Variants in RAD50 observed in about 807,000 individuals in gnomAD.
The protein encoded by RAD50 is DNA repair protein RAD50.
Under a neutral mutation model 168.8 loss-of-function variants are expected in RAD50, and 132 were observed. The observed-to-expected ratio is 0.78, with a 90% CI of 0.68 to 0.90. The LOEUF (loss-of-function observed/expected upper bound fraction) is 0.90. RAD50 is among the 40% of genes least tolerant of loss of function. RAD50 has a pLI of 0.00. For synonymous variants in RAD50, 525 were observed against 497.4 expected (o/e 1.06, Z -0.74); for missense variants, 1,347 against 1,534.4 (o/e 0.88, Z 2.04).
intron 2 of RAD50, among the ~76,000 whole-genome samples, chr5:132,568,870 G>A (rs1168494088): frequency 6.6e-6 from 1 of 152,192 alleles, no homozygotes; most frequent in Non-Finnish European, 1.5e-5. Flanking sequence ...TGTCGAAAAT[G>A]ATTGTAAATT....
chr5:132,575,591 A>G (rs1750380447), intron 2 of RAD50, among the ~76,000 whole-genome samples, 186 bp from the exon 3 acceptor site: 1 of 152,258 alleles, frequency 6.6e-6, no homozygotes. Context: ...TAGATAGTAT[A>G]TCATTTTTGT....
chr5:132,604,162 A>G (rs1289436646), intron 15 of RAD50, 116 bp downstream of exon 15: 8 of 1,282,952 alleles, frequency 6.2e-6, no homozygotes, highest in Admixed American at 4.1e-5. Flanking sequence ...CTGTCCACAT[A>G]TATTTGCTCT....
At chr5:132,623,712 T>G (rs900960809) in intron 21 of RAD50, among the ~76,000 whole-genome samples, 1 of 152,244 alleles carries the variant, frequency 6.6e-6, no homozygotes, top group Admixed American at 6.5e-5. Context: ...TGGTGGTGGT[T>G]GTTTTTTCCA....
At chr5:132,634,476 C>T (rs548868023) in intron 21 of RAD50, among the ~76,000 whole-genome samples, 1 of 152,146 alleles carries the variant, frequency 6.6e-6, no homozygotes, top group African/African-American at 2.4e-5. Context: ...TCTAAGCATA[C>T]AATTCTGTCA....
rs779615587 is a variant in RAD50, at chr5:132,642,233, G to T, written c.3808G>T (p.Asp1270Tyr). ...RNFQLLVITHDEDFVELLGRS... is the reference protein window; with the variant it reads ...RNFQLLVITHYEDFVELLGRS... ...CTTCCAGCTTCTGGTAATCACTCAT[G>T]ATGAAGATTTTGTGGAGCTTTTAGG... The change falls in exon 25 of 25, where the codon GAT becomes TAT. Residue 1270 changes from aspartate (D) to tyrosine (Y), a missense_variant. Transcript: ENST00000378823. 2 of 1,614,176 alleles carry T rather than the reference G, an allele frequency of 1.2e-6. No individual in the cohort carries two copies. The highest frequency in any genetic ancestry group is 1.7e-6 in the Non-Finnish European group (2 of 1,180,004).
At chr5:132,594,078 C>T (rs972716505) in intron 11 of RAD50, among the ~76,000 whole-genome samples, 1 of 152,124 alleles carries the variant, frequency 6.6e-6, no homozygotes, top group African/African-American at 2.4e-5. Flanking sequence ...AAAATATCAT[C>T]ATATTAGTTA....
chr5:132,642,433 T>C lies in RAD50; in HGVS notation c.*69T>C. On this transcript the variant is annotated 3_prime_UTR_variant, in exon 25 of 25. Transcript: ENST00000378823. Reference sequence around the variant, plus strand: ...AAGTGTATAATAAGAAACTTATTTCTCATATCAACTTAGTCAATAAGAAAA... The same window carrying C: ...AAGTGTATAATAAGAAACTTATTTCCCATATCAACTTAGTCAATAAGAAAA... 1 of 1,339,374 alleles carries C rather than the reference T, an allele frequency of 7.5e-7. No individual in the cohort carries two copies. The highest frequency in any genetic ancestry group is 1.1e-6 in the Non-Finnish European group (1 of 948,316). 83.0% of individuals were successfully genotyped at this position (1,339,374 alleles called of 1,614,324 possible). A position where few individuals can be genotyped will look rare whatever the true frequency, so the allele number is the denominator to read the frequency against.
intron 2 of RAD50, among the ~76,000 whole-genome samples, chr5:132,571,988 GAC>G (rs1438432420): frequency 6.6e-6 from 1 of 152,100 alleles, no homozygotes; most frequent in African/African-American, 2.4e-5. Flanking sequence ...AAAGTAAAGA[GAC>G]ATAACCACCA....
At chr5:132,580,110 A>G (rs779943505) in intron 5 of RAD50, 44 bp downstream of exon 5, 6 of 1,468,502 alleles carry the variant, frequency 4.1e-6, no homozygotes, top group Non-Finnish European at 3.8e-6. Flanking sequence ...GTATATCTTT[A>G]TGGTATACAG....
At chr5:132,566,282 A>G (rs1750207474) in intron 2 of RAD50, among the ~76,000 whole-genome samples, 2 of 152,206 alleles carry the variant, frequency 1.3e-5, no homozygotes, top group Non-Finnish European at 1.5e-5. Flanking sequence ...CGAAAAGTAG[A>G]TGCCATGGAG....
At chr5:132,631,138 T>TTA (rs1554100511) in intron 21 of RAD50, among the ~76,000 whole-genome samples, 1 of 150,148 alleles carries the variant, frequency 6.7e-6, no homozygotes, top group African/African-American at 2.5e-5. Flanking sequence ...TTTTTTTTTT[T>TTA]AAGACAGAGT....
chr5:132,594,915 G>T lies in RAD50; in HGVS notation c.1840G>T (p.Glu614Ter). Residue 614 changes from glutamate (E) to a stop codon, truncating the protein, a stop_gained, in exon 12 of 25, where the codon GAA becomes TAA. Coordinates refer to ENST00000378823, the MANE Select transcript of RAD50 (RefSeq NM_005732.4). LOFTEE classifies it high-confidence loss of function. ...SEQNKNHINN[E>*]LKRKEEQLSS... is the part of the protein sequence containing the mutation. ...GCAGAATAAAAATCATATAAATAAT[G>T]AACTAAAAAGAAAGGAAGAGCAGTT... The T allele has an allele frequency of 6.2e-7, 1 of 1,607,256 alleles. No individual in the cohort carries two copies. Among genetic ancestry groups the T allele is most frequent in the South Asian group, 1.1e-5 (1 of 90,906 alleles).
chr5:132,636,799 T>C (rs1190437766), intron 21 of RAD50, among the ~76,000 whole-genome samples: 1 of 152,186 alleles, frequency 6.6e-6, no homozygotes, highest in East Asian at 1.9e-4. Context: ...TAAAAAATTA[T>C]GTTTCCTGAA....
intron 2 of RAD50, among the ~76,000 whole-genome samples, chr5:132,561,773 C>T (rs910396473): frequency 8.5e-5 from 13 of 152,286 alleles, no homozygotes; most frequent in Middle Eastern, 6.8e-3. Flanking sequence ...ATTCTCAGCT[C>T]TGTTACTACC....
intron 2 of RAD50, among the ~76,000 whole-genome samples, chr5:132,566,933 G>C (rs1029192416): frequency 1.3e-5 from 2 of 152,138 alleles, no homozygotes; most frequent in African/African-American, 4.8e-5. Context: ...AGCTGTCCTA[G>C]ATAGGTTAGA....
At position 132,642,370 on chromosome 5, in the gene RAD50, T is replaced by C; in HGVS notation, c.*6T>C. 3 of 1,610,882 alleles carry C rather than the reference T, an allele frequency of 1.9e-6. No homozygotes were observed. The highest frequency in any genetic ancestry group is 2.5e-6 in the Non-Finnish European group (3 of 1,177,132). ...TGGGATTCAATGTTCATTAAAAATA[T>C]CCAAGATTTAAATGCCATAGAAATG... On this transcript the variant is annotated 3_prime_UTR_variant, in exon 25 of 25. Coordinates refer to ENST00000378823, the MANE Select transcript of RAD50 (RefSeq NM_005732.4).
chr5:132,575,657 AT>A (rs1750381768), intron 2 of RAD50, 119 bp from the exon 3 acceptor site: 1 of 917,612 alleles, frequency 1.1e-6, no homozygotes, highest in Non-Finnish European at 1.7e-6. Flanking sequence ...AATATCACTC[AT>A]TTTGGATGTT....
In RAD50 at chr5:132,637,214, T is replaced by C. The variant is rs201741621; in HGVS notation, c.3475+14T>C. 2.5e-6 allele frequency: 4 copies of C among 1,608,552 alleles called. No individual in the cohort carries two copies. In the Admixed American group the frequency reaches 6.7e-5, roughly 27 times the overall value. ...ATCGTGGACAAGGTGAGTACCATGG[T>C]GTATCACAAATGCTCTTTCCAAAGC... On this transcript the variant is annotated intron_variant, in intron 22 of 24. Transcript: ENST00000378823.
intron 13 of RAD50, among the ~76,000 whole-genome samples, chr5:132,602,568 A>T (rs1379332976): frequency 2.0e-5 from 3 of 152,074 alleles, no homozygotes; most frequent in Non-Finnish European, 4.4e-5. Flanking sequence ...AATTTAAAAA[A>T]TTTTTATTTT....
Sources: gnomAD v4.1 joint callset for allele counts (sites outside exome capture counted in the v4.1 genomes callset) on GRCh38, gnomAD v4.1.1 for gene constraint, MANE v1.5 for transcripts, NCBI Gene and HGNC (gene_info 2026-07-23, HGNC 2026-07-21) for gene names.